Variants in BCCIP observed in about 807,000 individuals in gnomAD.
BCCIP encodes BRCA2 and CDKN1A interacting protein.
In BCCIP, 23 loss-of-function variants were observed where a neutral mutation model predicts 32.8. The observed-to-expected ratio is 0.70, with a 90% CI of 0.51 to 0.99. The LOEUF is 0.99. Among genes scored for constraint, BCCIP ranks in the 50% least tolerant of loss-of-function variants. The pLI, the probability that BCCIP is intolerant of heterozygous loss-of-function variation, is 0.00. For synonymous variants in BCCIP, 144 were observed against 137.6 expected, an observed-to-expected ratio of 1.05 and a Z score of -0.33; for missense variants, 378 against 379.8, an observed-to-expected ratio of 1.00 and a Z score of 0.04.
At position 125,836,095 on chromosome 10, in the gene BCCIP, T is replaced by C; in HGVS notation, c.775-9T>C. 6.2e-7 allele frequency: 1 copy of C among 1,602,452 alleles called. No individual in the cohort carries two copies. Among genetic ancestry groups the C allele is most frequent in the Non-Finnish European group, 8.5e-7 (1 of 1,170,998 alleles). On this transcript the variant is annotated splice_polypyrimidine_tract_variant and intron_variant, in intron 6 of 6. Transcript: ENST00000278100. ...CGATTTTTAATTCATGGTTACTTAT[T>C]TGGTTTAGAAGGCAATTCTCAAGTT...
At chr10:125,838,300 T>C (rs921497546), downstream of BCCIP, 2 of 1,614,036 alleles carry the variant, frequency 1.2e-6, no homozygotes, top group Non-Finnish European at 1.7e-6. Flanking sequence ...TTCTTGGTGA[T>C]TGAGTAACCA....
chr10:125,835,275 T>C (rs980572175), intron 6 of BCCIP, among the ~76,000 whole-genome samples: 3 of 151,390 alleles, frequency 2.0e-5, no homozygotes, highest in African/African-American at 7.3e-5. Context: ...AAGTAAATAG[T>C]AAACATAATT....
intron 6 of BCCIP, among the ~76,000 whole-genome samples, chr10:125,835,520 G>T (rs896350415): frequency 6.6e-6 from 1 of 150,676 alleles, no homozygotes; most frequent in Non-Finnish European, 1.5e-5. Flanking sequence ...CAGAGCTTGC[G>T]GTGAGCCGAG....
Position 125,826,643 on chromosome 10 carries a change from G to T in BCCIP, c.218G>T (p.Gly73Val). The T allele has an allele frequency of 1.2e-6, 2 of 1,613,344 alleles. No individual in the cohort carries two copies. The highest frequency in any genetic ancestry group is 1.7e-6 in the Non-Finnish European group (2 of 1,179,706). The change falls in exon 2 of 7, where the codon GGA becomes GTA. Residue 73 changes from glycine (G) to valine (V), a missense_variant. Physicochemically the swap from Gly to Val is moderately radical, Grantham distance 109. Transcript: ENST00000278100. The stretch of plus-strand genomic sequence containing the variant: ...TCCCTATCAGATAATGATTATGACG[G>T]AATTAAGAAATTACTGCAGCAGGTA... ...AYSLSDNDYD[G>V]IKKLLQQLFL...
At position 125,823,703 on chromosome 10, in the gene BCCIP, A is replaced by G. The variant is rs1302325128; in HGVS notation, c.146A>G (p.Glu49Gly). ...GACAGTGACAAGGAAAAGGATGAAG[A>G]GGACGAGGTCATTGACGAGGTGAGA... Reference protein sequence around the residue: ...DDDSDKEKDEEDEVIDEEVNI... With the variant: ...DDDSDKEKDEGDEVIDEEVNI... Residue 49 changes from glutamate to glycine, a missense_variant, in exon 1 of 7, where the codon GAG (glutamate) becomes GGG (glycine). By Grantham distance (98) the Glu-to-Gly change is moderately conservative. Transcript: ENST00000278100. 1 of 1,614,068 alleles carries G rather than the reference A, an allele frequency of 6.2e-7. No homozygotes were observed. The highest frequency in any genetic ancestry group is 2.2e-5 in the East Asian group (1 of 44,890).
chr10:125,846,042 C>T (rs1174823957), downstream of BCCIP, among the ~76,000 whole-genome samples: 2 of 152,200 alleles, frequency 1.3e-5, no homozygotes, highest in East Asian at 3.9e-4. Context: ...AATTTGTCTC[C>T]CACACGTGAC....
In BCCIP at chr10:125,830,654, T is replaced by G; in HGVS notation, c.411+3T>G. Reference sequence around the variant, plus strand: ...TTTTAAATTTAACTGAAAGAAAGGTTGGTTTCACTGGATGGCATCTGAATG... The same window carrying G: ...TTTTAAATTTAACTGAAAGAAAGGTGGGTTTCACTGGATGGCATCTGAATG... On this transcript the variant is annotated splice_donor_region_variant and intron_variant, in intron 4 of 6. Transcript: ENST00000278100. The G allele has an allele frequency of 6.4e-7, 1 of 1,574,678 alleles. No homozygotes were observed. The highest frequency in any genetic ancestry group is 8.7e-7 in the Non-Finnish European group (1 of 1,148,726).
downstream of BCCIP, among the ~76,000 whole-genome samples, chr10:125,846,617 C>T (rs187305320): frequency 2.0e-5 from 3 of 152,278 alleles, no homozygotes; most frequent in Non-Finnish European, 4.4e-5. Context: ...AATCAAGAAT[C>T]CTGCTCTACT....
chr10:125,851,542 T>C (rs939913822), intron 7 of BCCIP, among the ~76,000 whole-genome samples: 2 of 151,996 alleles, frequency 1.3e-5, no homozygotes, highest in Admixed American at 6.5e-5. Context: ...CCTGGGCTTA[T>C]GAGATGAACA....
At chr10:125,840,867 GT>G (rs1854857532), downstream of BCCIP, 2 of 1,598,700 alleles carry the variant, frequency 1.3e-6, no homozygotes, top group Non-Finnish European at 1.7e-6. Flanking sequence ...AGAATTCAGA[GT>G]TGTGTCTTGG....
chr10:125,843,537 AG>A (rs1028636962), downstream of BCCIP, among the ~76,000 whole-genome samples: 2 of 151,930 alleles, frequency 1.3e-5, no homozygotes, highest in African/African-American at 4.8e-5. Context: ...GCGTGAACCC[AG>A]GAAGTGGAGC....
At chr10:125,839,067 A>G (rs759957170), downstream of BCCIP, 8 of 1,614,230 alleles carry the variant, frequency 5.0e-6, no homozygotes, top group South Asian at 8.8e-5. Flanking sequence ...AGCCAAAAGC[A>G]GGTTCTGCAT....
At chr10:125,850,305 C>T (rs1219900251) in intron 7 of BCCIP, among the ~76,000 whole-genome samples, 1 of 151,510 alleles carries the variant, frequency 6.6e-6, no homozygotes, top group Non-Finnish European at 1.5e-5. Context: ...CCTCTTTTCA[C>T]CAGAGCCATC....
At chr10:125,839,272 A>C, downstream of BCCIP, 1 of 1,406,914 alleles carries the variant, frequency 7.1e-7, no homozygotes, top group Non-Finnish European at 9.8e-7. Flanking sequence ...GCCATCTTTA[A>C]GCCCTGTGCT....
downstream of BCCIP, chr10:125,840,866 A>G: frequency 6.3e-7 from 1 of 1,597,142 alleles, no homozygotes; most frequent in Non-Finnish European, 8.5e-7. Flanking sequence ...TAGAATTCAG[A>G]GTTGTGTCTT....
At chr10:125,829,662 A>G (rs765642972) in intron 3 of BCCIP, among the ~76,000 whole-genome samples, 4 of 152,246 alleles carry the variant, frequency 2.6e-5, no homozygotes, top group Non-Finnish European at 5.9e-5. Flanking sequence ...AAAATGAGAA[A>G]TTAAACCTAT....
At chr10:125,838,497 C>G (rs1854772479), downstream of BCCIP, 1 of 1,024,258 alleles carries the variant, frequency 9.8e-7, no homozygotes, top group African/African-American at 1.6e-5. Flanking sequence ...ATAGTTAAAA[C>G]TAACGTTTGC....
At chr10:125,836,961 A>G, downstream of BCCIP, 1 of 937,092 alleles carries the variant, frequency 1.1e-6, no homozygotes, top group Non-Finnish European at 1.6e-6. Flanking sequence ...TACCTGTAGA[A>G]CCGGTATTTA....
chr10:125,825,962 G>A (rs2134005729), intron 1 of BCCIP: 1 of 153,504 alleles, frequency 6.5e-6, no homozygotes, highest in East Asian at 1.9e-4. Flanking sequence ...AGTTTGTGCT[G>A]TTCCCTGTAC....
Sources: gnomAD v4.1 joint callset for allele counts (sites outside exome capture counted in the v4.1 genomes callset) on GRCh38, gnomAD v4.1.1 for gene constraint, MANE v1.5 for transcripts, NCBI Gene and HGNC (gene_info 2026-07-23, HGNC 2026-07-21) for gene names.